The following FAM169A variants were observed in gnomAD, a reference collection of about 807,000 sequenced individuals.
The protein encoded by FAM169A is family with sequence similarity 169 member A, also known as soluble lamin-associated protein of 75 kDa.
A neutral mutation model predicts 75.7 loss-of-function variants in FAM169A; 24 were observed. That is an observed-to-expected ratio of 0.32 (90% confidence interval 0.23 to 0.45). The LOEUF (loss-of-function observed/expected upper bound fraction) is 0.45. Ranked by LOEUF, FAM169A falls within the 20% of genes least tolerant of loss-of-function variation. FAM169A has a pLI of 1.00. For missense variants in FAM169A, 673 were observed against 784.0 expected, an observed-to-expected ratio of 0.86 and a Z score of 1.69; for synonymous variants, 271 against 271.0, an observed-to-expected ratio of 1.00 and a Z score of 0.00.
intron 1 of FAM169A, among the ~76,000 whole-genome samples, chr5:74,846,344 C>G (rs1749154820): frequency 6.6e-6 from 1 of 152,092 alleles, no homozygotes; most frequent in Admixed American, 6.5e-5. Context: ...AGACTGCTGC[C>G]AGAAACTCTG....
At chr5:74,820,403 T>C (rs902331050) in intron 5 of FAM169A, among the ~76,000 whole-genome samples, 3 of 152,156 alleles carry the variant, frequency 2.0e-5, no homozygotes, top group East Asian at 3.8e-4. Context: ...CAATAAACCA[T>C]TTATAACCAG....
intron 5 of FAM169A, among the ~76,000 whole-genome samples, chr5:74,818,797 C>A (rs867684089): frequency 3.3e-3 from 451 of 136,142 alleles, no homozygotes; most frequent in Non-Finnish European, 4.8e-3. Flanking sequence ...CTCTCTCTCT[C>A]TCTCTCTATA....
chr5:74,822,835 CTTAA>C (rs1186432977), intron 5 of FAM169A, among the ~76,000 whole-genome samples: 2 of 152,122 alleles, frequency 1.3e-5, no homozygotes, highest in African/African-American at 4.8e-5. Context: ...TATTCCCAAT[CTTAA>C]TTAACAGCCT....
intron 5 of FAM169A, among the ~76,000 whole-genome samples, chr5:74,825,073 CATGA>C (rs1747954200): frequency 6.6e-6 from 1 of 152,132 alleles, no homozygotes; most frequent in Admixed American, 6.5e-5. Context: ...TATAGTGTAC[CATGA>C]ATGTTTATTT....
chr5:74,817,911 T>C (rs886999960), intron 5 of FAM169A, among the ~76,000 whole-genome samples: 8 of 152,054 alleles, frequency 5.3e-5, no homozygotes, highest in African/African-American at 1.7e-4. Flanking sequence ...TGGAGGAAAA[T>C]TATATATTTA....
chr5:74,819,648 A>C (rs1472657800), intron 5 of FAM169A, among the ~76,000 whole-genome samples: 3 of 152,288 alleles, frequency 2.0e-5, no homozygotes, highest in Admixed American at 6.5e-5. Flanking sequence ...AAAAAACAGA[A>C]ACAACCCCAA....
chr5:74,804,687 C>A, intron 7 of FAM169A, 82 bp from the exon 8 acceptor site: 1 of 732,624 alleles, frequency 1.4e-6, no homozygotes, highest in Non-Finnish European at 2.2e-6. Context: ...TTCCTAAAAG[C>A]TCTGAAGAGC....
chr5:74,817,114 A>G (rs543657583), intron 5 of FAM169A, among the ~76,000 whole-genome samples: 1 of 152,234 alleles, frequency 6.6e-6, no homozygotes, highest in Admixed American at 6.5e-5. Context: ...ACCACTGGAT[A>G]TTTCCTCCTA....
chr5:74,831,336 G>A (rs545612962), intron 5 of FAM169A, among the ~76,000 whole-genome samples: 1 of 152,116 alleles, frequency 6.6e-6, no homozygotes, highest in Admixed American at 6.5e-5. Flanking sequence ...ACTAAATAGC[G>A]AAGTTTCTAA....
intron 10 of FAM169A, among the ~76,000 whole-genome samples, chr5:74,796,474 C>T (rs1400905818): frequency 1.3e-5 from 2 of 151,574 alleles, no homozygotes; most frequent in Non-Finnish European, 2.9e-5. Context: ...GGCGCGATCT[C>T]GGCTCACTGC....
intron 5 of FAM169A, among the ~76,000 whole-genome samples, chr5:74,826,277 A>G (rs1748021801): frequency 6.6e-6 from 1 of 152,110 alleles, no homozygotes; most frequent in South Asian, 2.1e-4. Flanking sequence ...TTTTGCTTTA[A>G]TCACCATTTT....
In FAM169A at chr5:74,866,329, C is replaced by T. The variant is rs995035642; in HGVS notation, c.-168G>A. Reference sequence around the variant, plus strand: ...GCTGCCTCCCGCTCGCCCCGGACGCCCGGCTCCTCGTCGCGGGTCGGCCGC... The same window carrying T: ...GCTGCCTCCCGCTCGCCCCGGACGCTCGGCTCCTCGTCGCGGGTCGGCCGC... On this transcript the variant is annotated 5_prime_UTR_variant, in exon 1 of 13. Transcript: ENST00000687041. 2.0e-6 allele frequency: 2 copies of T among 984,420 alleles called. No individual in the cohort carries two copies. The highest frequency in any genetic ancestry group is 2.4e-6 in the Non-Finnish European group (2 of 829,650). 61.0% of individuals were successfully genotyped at this position (984,420 alleles called of 1,614,324 possible).
At chr5:74,851,228 G>C (rs1749428165) in intron 1 of FAM169A, among the ~76,000 whole-genome samples, 2 of 150,552 alleles carry the variant, frequency 1.3e-5, no homozygotes, top group African/African-American at 4.9e-5. Context: ...ATTCCCCTTA[G>C]GGCCTCCTTC....
At position 74,788,524 on chromosome 5, in the gene FAM169A, G is replaced by A. The variant is rs57712487; in HGVS notation, c.1261-5390C>T. On this transcript the variant is annotated intron_variant, in intron 11 of 12. Transcript: ENST00000687041. ...AGTTCGAAACCAGCCTGACCAACATGGAGAAACCCCATCTCTACTAAAAAT... is the reference window on the plus strand; with the variant it reads ...AGTTCGAAACCAGCCTGACCAACATAGAGAAACCCCATCTCTACTAAAAAT... 4.6e-5 allele frequency among the ~76,000 whole-genome samples: 7 copies of A among 152,136 alleles called. No homozygotes were observed. The East Asian group carries it at 1.4e-3, about 29-fold the overall frequency.
chr5:74,854,415 TA>T (rs1749603284), intron 1 of FAM169A, among the ~76,000 whole-genome samples: 3 of 151,832 alleles, frequency 2.0e-5, no homozygotes, highest in Non-Finnish European at 2.9e-5. Context: ...ATAATAATAA[TA>T]ATAATCACAT....
In FAM169A at chr5:74,783,144, G is replaced by A. The variant is rs374114319; in HGVS notation, c.1261-10C>T. 2.2e-5 allele frequency: 35 copies of A among 1,588,300 alleles called. No homozygotes were observed. In the African/African-American group the frequency reaches 4.3e-4, roughly 20 times the overall value. On this transcript the variant is annotated splice_polypyrimidine_tract_variant and intron_variant, in intron 11 of 12. Coordinates refer to ENST00000687041, the MANE Select transcript of FAM169A (RefSeq NM_001376049.1). ...GCTCTAATTCAGATTCCTACACCAT[G>A]AGGAGAGAGGGAAAAAGTAAGGACA... is the stretch of plus-strand genomic sequence containing the variant.
At chr5:74,856,103 T>A (rs893725680) in intron 1 of FAM169A, among the ~76,000 whole-genome samples, 3 of 152,222 alleles carry the variant, frequency 2.0e-5, no homozygotes, top group Non-Finnish European at 4.4e-5. Context: ...GATGCGCAGA[T>A]TTATTTCTGG....
At chr5:74,795,711 T>G (rs923404462) in intron 11 of FAM169A, among the ~76,000 whole-genome samples, 1 of 152,206 alleles carries the variant, frequency 6.6e-6, no homozygotes, top group African/African-American at 2.4e-5. Context: ...CTTATATCAT[T>G]TGTGTATGTA....
intron 6 of FAM169A, among the ~76,000 whole-genome samples, chr5:74,813,392 T>C (rs564918790): frequency 2.5e-4 from 38 of 152,208 alleles, no homozygotes; most frequent in Admixed American, 4.6e-4. Context: ...AGTGGCATGA[T>C]CTTGGCTCAC....
Sources: gnomAD v4.1 joint callset for allele counts (sites outside exome capture counted in the v4.1 genomes callset) on GRCh38, gnomAD v4.1.1 for gene constraint, MANE v1.5 for transcripts, NCBI Gene and HGNC (gene_info 2026-07-23, HGNC 2026-07-21) for gene names.